Variants in HS3ST5 observed in about 807,000 individuals in gnomAD.
HS3ST5 encodes the protein heparan sulfate-glucosamine 3-sulfotransferase 5, also known as heparan sulfate glucosamine 3-O-sulfotransferase 5.
HS3ST5 carries 10 observed loss-of-function variants against 25.4 expected under a neutral mutation model. The observed-to-expected ratio is 0.39, with a 90% CI of 0.24 to 0.67. The LOEUF is 0.67. Ranked by LOEUF, HS3ST5 falls within the 30% of genes least tolerant of loss-of-function variation. HS3ST5 has a pLI of 0.44. For synonymous variants in HS3ST5, 170 were observed against 162.4 expected (o/e 1.05, Z -0.36); for missense variants, 324 against 420.7 (o/e 0.77, Z 2.01).
intron 3 of HS3ST5, among the ~76,000 whole-genome samples, chr6:114,096,098 A>G (rs1418268935): frequency 6.6e-6 from 1 of 152,116 alleles, no homozygotes; most frequent in African/African-American, 2.4e-5. Context: ...GGAAGCGTTC[A>G]CTCACCTATT....
chr6:114,069,872 G>T (rs1773699347), intron 3 of HS3ST5, among the ~76,000 whole-genome samples: 2 of 152,048 alleles, frequency 1.3e-5, no homozygotes, highest in South Asian at 4.1e-4. Context: ...GATACAGATG[G>T]TTATATGTTA....
At chr6:114,173,214 G>A (rs571521378) in intron 2 of HS3ST5, among the ~76,000 whole-genome samples, 28 of 152,278 alleles carry the variant, frequency 1.8e-4, no homozygotes, top group African/African-American at 6.3e-4. Context: ...TGACAAGCAT[G>A]GGGAATTAAA....
At chr6:114,259,286 T>C (rs1233780658) in intron 1 of HS3ST5, among the ~76,000 whole-genome samples, 2 of 152,010 alleles carry the variant, frequency 1.3e-5, no homozygotes, top group Non-Finnish European at 2.9e-5. Context: ...AGTTTTTGTG[T>C]TCATAATTGA....
At chr6:114,148,626 A>G (rs1778290417) in intron 3 of HS3ST5, among the ~76,000 whole-genome samples, 1 of 152,064 alleles carries the variant, frequency 6.6e-6, no homozygotes, top group Non-Finnish European at 1.5e-5. Context: ...TGTCTCAAAA[A>G]ATAAATAATA....
chr6:114,331,689 A>G (rs535732700), intron 1 of HS3ST5, among the ~76,000 whole-genome samples: 1 of 152,232 alleles, frequency 6.6e-6, no homozygotes, highest in African/African-American at 2.4e-5. Context: ...ATGACCATGC[A>G]CATCTAAAAA....
chr6:114,219,735 G>T (rs943897912), intron 2 of HS3ST5, among the ~76,000 whole-genome samples: 1 of 152,094 alleles, frequency 6.6e-6, no homozygotes. Flanking sequence ...ATAAGAATCA[G>T]ATGTAGTTTT....
chr6:114,273,096 G>A (rs1204168122), intron 1 of HS3ST5, among the ~76,000 whole-genome samples: 1 of 151,974 alleles, frequency 6.6e-6, no homozygotes, highest in Non-Finnish European at 1.5e-5. Context: ...AGGGAACAAG[G>A]GCAGAGGAAA....
intron 3 of HS3ST5, among the ~76,000 whole-genome samples, chr6:114,068,806 C>A (rs1320864305): frequency 6.6e-6 from 1 of 152,124 alleles, no homozygotes; most frequent in Non-Finnish European, 1.5e-5. Flanking sequence ...CTCCCCCCAT[C>A]CACAGTTTTA....
chr6:114,160,892 A>G (rs1778912803), intron 3 of HS3ST5, among the ~76,000 whole-genome samples: 1 of 152,220 alleles, frequency 6.6e-6, no homozygotes, highest in Admixed American at 6.5e-5. Flanking sequence ...GTAATAAACT[A>G]ATTCATCATA....
At chr6:114,250,942 A>C (rs1772631892) in intron 1 of HS3ST5, among the ~76,000 whole-genome samples, 1 of 152,232 alleles carries the variant, frequency 6.6e-6, no homozygotes, top group Non-Finnish European at 1.5e-5. Flanking sequence ...GAGTAAGTAA[A>C]TGAAGGAGAA....
chr6:114,332,148 T>C (rs763175954), intron 1 of HS3ST5, among the ~76,000 whole-genome samples: 8 of 152,140 alleles, frequency 5.3e-5, no homozygotes, highest in Non-Finnish European at 1.0e-4. Context: ...ACCTAAATCA[T>C]CTCTTAAAAA....
At chr6:114,122,837 T>TA (rs1170882447) in intron 3 of HS3ST5, among the ~76,000 whole-genome samples, 1 of 152,260 alleles carries the variant, frequency 6.6e-6, no homozygotes, top group Non-Finnish European at 1.5e-5. Flanking sequence ...TAACATTTGA[T>TA]ACTCTGAACT....
chr6:114,263,637 A>G (rs1773276560), intron 1 of HS3ST5, among the ~76,000 whole-genome samples: 1 of 152,242 alleles, frequency 6.6e-6, no homozygotes, highest in Non-Finnish European at 1.5e-5. Context: ...GCTGATAGCG[A>G]AAGTCCCCAA....
chr6:114,161,587 CGTGTATGT>C, intron 3 of HS3ST5, among the ~76,000 whole-genome samples: 1 of 93,810 alleles, frequency 1.1e-5, no homozygotes, highest in East Asian at 3.7e-4. Context: ...AATGCAATGG[CGTGTATGT>C]GTGTATGTGT....
intron 4 of HS3ST5, among the ~76,000 whole-genome samples, 167 bp from the exon 5 acceptor site, chr6:114,058,357 T>C (rs1772897859): frequency 6.6e-6 from 1 of 152,262 alleles, no homozygotes; most frequent in Non-Finnish European, 1.5e-5. Flanking sequence ...AGCAACCATG[T>C]ATTAAATGGA....
At position 114,149,551 on chromosome 6, in the gene HS3ST5, G is replaced by A. The variant is rs554877372; in HGVS notation, c.-33+18800C>T. Among the ~76,000 whole-genome samples the A allele has an allele frequency of 1.4e-3, 215 of 152,134 alleles. 1 individual carries two copies. Among genetic ancestry groups the A allele is most frequent in the Non-Finnish European group, 1.9e-3 (126 of 68,018 alleles). On this transcript the variant is annotated intron_variant, in intron 3 of 4. Coordinates refer to ENST00000312719, the MANE Select transcript of HS3ST5 (RefSeq NM_153612.4). ...AACAATGAGAACACATAGACACAGG[G>A]AGGGGAACATCACACACTGGGGCCT...
intron 3 of HS3ST5, among the ~76,000 whole-genome samples, chr6:114,147,351 A>T (rs1778219784): frequency 6.6e-6 from 1 of 152,130 alleles, no homozygotes; most frequent in Non-Finnish European, 1.5e-5. Flanking sequence ...ACGTGAGCTG[A>T]AGTGATGTGT....
At chr6:114,235,618 TTTC>T (rs1311124242) in intron 1 of HS3ST5, 1 of 152,210 alleles carries the variant, frequency 6.6e-6, no homozygotes, top group African/African-American at 2.4e-5. Context: ...TTGGATTTTT[TTTC>T]TTCTTAAGAG....
intron 3 of HS3ST5, among the ~76,000 whole-genome samples, chr6:114,131,521 A>C (rs566729854): frequency 3.3e-4 from 50 of 152,356 alleles, no homozygotes; most frequent in African/African-American, 1.1e-3. Flanking sequence ...ATATAGAGAA[A>C]AAAGTGTCCT....
Sources: gnomAD v4.1 joint callset for allele counts (sites outside exome capture counted in the v4.1 genomes callset) on GRCh38, gnomAD v4.1.1 for gene constraint, MANE v1.5 for transcripts, NCBI Gene and HGNC (gene_info 2026-07-23, HGNC 2026-07-21) for gene names.